XPO5: variants seen among roughly 807,000 people sequenced by gnomAD.
XPO5 encodes the protein exportin 5, also known as exportin-5.
XPO5 carries 46 observed loss-of-function variants against 160.6 expected under a neutral mutation model. That is an observed-to-expected ratio of 0.29 (90% CI 0.23 to 0.37). XPO5 has a LOEUF of 0.37. Ranked by LOEUF, XPO5 falls within the 10% of genes least tolerant of loss-of-function variation. The pLI, the probability that XPO5 is intolerant of heterozygous loss-of-function variation, is 1.00. For missense variants in XPO5, 1,090 were observed against 1,463.9 expected, an observed-to-expected ratio of 0.74 and a Z score of 4.17; for synonymous variants, 537 against 519.3, an observed-to-expected ratio of 1.03 and a Z score of -0.46.
In XPO5 at chr6:43,536,781, A is replaced by AACAAAC. The variant is rs1442842566; in HGVS notation, c.2343-2775_2343-2774insGTTTGT. On this transcript the variant is annotated intron_variant, in intron 20 of 31. Transcript: ENST00000265351. Reference sequence around the variant, plus strand: ...TCTAAAAAAAAAAAAAAAAAAAAAAAAAAAAAAAAGCAGCTTTACTTTTTG... The same window carrying AACAAAC: ...TCTAAAAAAAAAAAAAAAAAAAAAAAACAAACAAAAAAAAAGCAGCTTTACTTTTTG... Among the ~76,000 whole-genome samples the AACAAAC allele has an allele frequency of 2.3e-4, 34 of 150,316 alleles. 1 individual carries two copies. The highest frequency in any genetic ancestry group is 6.8e-4 in the African/African-American group (28 of 41,004).
At chr6:43,524,415 C>T in intron 31 of XPO5, 56 bp downstream of exon 31, 1 of 1,580,536 alleles carries the variant, frequency 6.3e-7, no homozygotes, top group Non-Finnish European at 8.6e-7. Flanking sequence ...TATGGTTTGC[C>T]CATACACATG....
At chr6:43,534,436 T>C (rs1029611449) in intron 20 of XPO5, among the ~76,000 whole-genome samples, 1 of 152,222 alleles carries the variant, frequency 6.6e-6, no homozygotes, top group Non-Finnish European at 1.5e-5. Flanking sequence ...TCCAAGAGCA[T>C]GGACCTTGCA....
chr6:43,532,355 T>C (rs1280351434), intron 21 of XPO5, among the ~76,000 whole-genome samples: 1 of 152,162 alleles, frequency 6.6e-6, no homozygotes, highest in East Asian at 1.9e-4. Context: ...AGGAATGCCA[T>C]TGGATTGCTT....
Position 43,575,956 on chromosome 6 carries a change from G to A in XPO5, c.-92C>T. ...TCGGCGAGACCACCCGTTGGTACCG[G>A]GCCGCGGCGGGCGGCGGGGGTGGGA... is the stretch of plus-strand genomic sequence containing the variant. On this transcript the variant is annotated 5_prime_UTR_variant, in exon 1 of 32. Coordinates refer to ENST00000265351, the MANE Select transcript of XPO5 (RefSeq NM_020750.3). 1.6e-6 allele frequency: 2 copies of A among 1,286,460 alleles called. No individual in the cohort carries two copies. The highest frequency in any genetic ancestry group is 1.1e-6 in the Non-Finnish European group (1 of 915,684). 79.7% of individuals were successfully genotyped at this position (1,286,460 alleles called of 1,614,324 possible).
intron 14 of XPO5, among the ~76,000 whole-genome samples, chr6:43,551,934 T>C (rs1010275253): frequency 6.6e-6 from 1 of 152,164 alleles, no homozygotes; most frequent in Non-Finnish European, 1.5e-5. Flanking sequence ...CCCAAAGTGT[T>C]GGGATTACAA....
chr6:43,568,022 G>C (rs1237990095), intron 6 of XPO5, among the ~76,000 whole-genome samples: 1 of 150,206 alleles, frequency 6.7e-6, no homozygotes, highest in Non-Finnish European at 1.5e-5. Context: ...ACAGAACAAA[G>C]GACAGGCTGG....
intron 6 of XPO5, among the ~76,000 whole-genome samples, chr6:43,567,685 G>C (rs920821650): frequency 7.3e-5 from 11 of 151,722 alleles, no homozygotes; most frequent in African/African-American, 2.7e-4. Flanking sequence ...CTGAGCCCAG[G>C]AGTTAAAACA....
intron 13 of XPO5, among the ~76,000 whole-genome samples, chr6:43,553,979 C>T (rs1005472715): frequency 4.6e-5 from 7 of 152,186 alleles, no homozygotes; most frequent in African/African-American, 1.7e-4. Flanking sequence ...TACTGCTTCA[C>T]ATCCAATAGC....
At chr6:43,535,074 C>T (rs538978479) in intron 20 of XPO5, among the ~76,000 whole-genome samples, 243 of 149,624 alleles carry the variant, frequency 1.6e-3, no homozygotes, top group African/African-American at 5.6e-3. Context: ...GGGTGGATCA[C>T]GAGGTCATGA....
chr6:43,531,537 CA>C lies in XPO5; in HGVS notation c.2481del (p.Val828SerfsTer24). 2 of 1,613,928 alleles carry C rather than the reference CA, an allele frequency of 1.2e-6. No homozygotes were observed. The highest frequency in any genetic ancestry group is 1.7e-6 in the Non-Finnish European group (2 of 1,179,860). On this transcript the variant is annotated frameshift_variant, in exon 22 of 32. Transcript: ENST00000265351. LOFTEE classifies it high-confidence loss of function. ...ATTCTTTCCAAGACGGTTTTGAAGA[CA>C]GGAGAGTCATTGAGTTCCAAGAGAG... ...PQPLLELNDS[P>X]VFKTVLERMQ...
intron 24 of XPO5, 99 bp from the exon 25 acceptor site, chr6:43,528,304 G>T: frequency 8.0e-7 from 1 of 1,246,424 alleles, no homozygotes; most frequent in Non-Finnish European, 1.1e-6. Flanking sequence ...ATTAGCCAAG[G>T]ATGATTCTAG....
At chr6:43,568,567 C>A (rs1762823337) in intron 6 of XPO5, 144 bp downstream of exon 6, 1 of 626,966 alleles carries the variant, frequency 1.6e-6, no homozygotes, top group Non-Finnish European at 2.6e-6. Flanking sequence ...GACCACACAA[C>A]TGCACTCCAG....
At chr6:43,565,575 A>T in intron 8 of XPO5, 85 bp downstream of exon 8, 4 of 1,309,128 alleles carry the variant, frequency 3.1e-6, no homozygotes, top group Non-Finnish European at 3.1e-6. Context: ...AAATAAAAAA[A>T]AAAAAAAGAA....
Position 43,549,894 on chromosome 6 carries a change from T to C in XPO5, c.1769A>G (p.Lys590Arg). 1 of 1,610,520 alleles carries C rather than the reference T, an allele frequency of 6.2e-7. No individual in the cohort carries two copies. Among genetic ancestry groups the C allele is most frequent in the Non-Finnish European group, 8.5e-7 (1 of 1,178,040 alleles). ...TATTGGTTTAATTAATGGTCTTACCTTACTTTCTTCAACAGTTTCAAAAGT... is the reference window on the plus strand; with the variant it reads ...TATTGGTTTAATTAATGGTCTTACCCTACTTTCTTCAACAGTTTCAAAAGT... Reference protein sequence around the residue: ...SVTFETVEESKAPRTRAVRNV... With the variant: ...SVTFETVEESRAPRTRAVRNV... The change falls in exon 16 of 32, where the codon AAG becomes AGG. Residue 590 changes from lysine to arginine, a missense_variant and splice_region_variant. By Grantham distance (26) the Lys-to-Arg change is conservative (BLOSUM62 2). This residue lies in a region of XPO5 where 810 missense variants were observed against 1,139.0 expected (regional missense o/e 0.71). Transcript: ENST00000265351.
intron 20 of XPO5, among the ~76,000 whole-genome samples, chr6:43,541,418 A>T (rs933153879): frequency 1.2e-4 from 19 of 152,350 alleles, no homozygotes; most frequent in African/African-American, 4.6e-4. Context: ...AAACTTTAAA[A>T]AACTAACAAA....
intron 20 of XPO5, among the ~76,000 whole-genome samples, chr6:43,544,943 G>T (rs1794892267): frequency 6.6e-6 from 1 of 152,140 alleles, no homozygotes; most frequent in Non-Finnish European, 1.5e-5. Flanking sequence ...CGTGATCTTA[G>T]CTCACTGCAA....
chr6:43,553,526 T>TACAC lies in XPO5; in HGVS notation c.1442-27_1442-24dup, dbSNP rs111634867. ...AAGCTTTAAAACACACACACACACA[T>TACAC]ACACACACACACACACACACACAAT... is the stretch of plus-strand genomic sequence containing the variant. On this transcript the variant is annotated intron_variant, in intron 13 of 31. Coordinates refer to ENST00000265351, the MANE Select transcript of XPO5 (RefSeq NM_020750.3). The TACAC allele has an allele frequency of 3.0e-3, 4,337 of 1,447,874 alleles. 42 individuals carry two copies. In the African/African-American group the frequency reaches 0.046, roughly 15 times the overall value. 89.7% of individuals were successfully genotyped at this position (1,447,874 alleles called of 1,614,324 possible).
At chr6:43,528,784 C>G (rs1381178209) in intron 24 of XPO5, 44 bp downstream of exon 24, 2 of 1,558,506 alleles carry the variant, frequency 1.3e-6, no homozygotes, top group South Asian at 2.3e-5. Context: ...TGGCCAGAGG[C>G]CTTAATAGTA....
At chr6:43,540,172 C>A (rs951964761) in intron 20 of XPO5, among the ~76,000 whole-genome samples, 4 of 152,080 alleles carry the variant, frequency 2.6e-5, no homozygotes, top group Non-Finnish European at 1.5e-5. Flanking sequence ...GGGGGATCAC[C>A]TGAGGTCAGG....
Sources: allele counts gnomAD v4.1 joint callset (sites outside exome capture counted in the v4.1 genomes callset), GRCh38; gene constraint gnomAD v4.1.1; regional missense constraint gnomAD v4.1.1; transcripts MANE v1.5; gene names NCBI Gene and HGNC (gene_info 2026-07-23, HGNC 2026-07-21).